APP: variants seen among roughly 807,000 people sequenced by gnomAD.
The protein encoded by APP is amyloid beta precursor protein, also known as amyloid-beta precursor protein.
In APP, 31 loss-of-function variants were observed where a neutral mutation model predicts 101.4. The ratio of observed to expected loss-of-function variants is 0.31; its 90% CI spans 0.23 to 0.41. APP has a LOEUF of 0.41. Ranked by LOEUF, APP falls within the 10% of genes least tolerant of loss-of-function variation. The probability of loss-of-function intolerance (pLI) is 1.00; values close to 1 mark genes in which losing one functional copy is unlikely to be tolerated. For synonymous variants in APP, 366 were observed against 364.4 expected, an observed-to-expected ratio of 1.00 and a Z score of -0.05; for missense variants, 839 against 1,003.7, an observed-to-expected ratio of 0.84 and a Z score of 2.22.
At chr21:26,154,632 T>A (rs568275430) in intron 1 of APP, among the ~76,000 whole-genome samples, 173 of 152,264 alleles carry the variant, frequency 1.1e-3, no homozygotes, top group African/African-American at 4.1e-3. Flanking sequence ...AGTACCTTAG[T>A]AACTAAAGGG....
chr21:25,897,550 AAG>A, intron 16 of APP, 21 bp downstream of exon 16: 1 of 1,556,040 alleles, frequency 6.4e-7, no homozygotes, highest in Middle Eastern at 1.7e-4. Context: ...CAGTAGTGGA[AAG>A]AGGTAAATTA....
intron 1 of APP, chr21:26,140,539 A>C (rs1333495638): frequency 3.2e-6 from 1 of 310,684 alleles, no homozygotes; most frequent in African/African-American, 2.1e-5. Context: ...GTGGAGAAGG[A>C]ACTGCTGGCC....
chr21:26,143,474 G>C (rs73343434), intron 1 of APP, among the ~76,000 whole-genome samples: 2,837 of 152,236 alleles, frequency 0.019, 103 homozygotes, highest in African/African-American at 0.065. Flanking sequence ...TATACAACGT[G>C]ATGTTTTGAT....
intron 3 of APP, among the ~76,000 whole-genome samples, chr21:26,056,713 T>C (rs1054843780): frequency 5.9e-5 from 9 of 152,218 alleles, no homozygotes; most frequent in Non-Finnish European, 1.2e-4. Flanking sequence ...CTAAGAAATA[T>C]GTGTCCCTCA....
intron 1 of APP, among the ~76,000 whole-genome samples, chr21:26,117,574 G>A (rs1010891544): frequency 3.9e-5 from 6 of 152,234 alleles, no homozygotes; most frequent in Non-Finnish European, 5.9e-5. Flanking sequence ...TATAGGGACA[G>A]AGAAGGGAAT....
At chr21:25,917,039 G>A (rs925765334) in intron 13 of APP, among the ~76,000 whole-genome samples, 16 of 152,148 alleles carry the variant, frequency 1.1e-4, no homozygotes, top group Non-Finnish European at 2.4e-4. Context: ...GAGGTGGGTG[G>A]ATCACGAGGT....
chr21:26,007,357 AAATAT>A (rs2043576360), intron 6 of APP, among the ~76,000 whole-genome samples: 1 of 147,764 alleles, frequency 6.8e-6, no homozygotes, highest in Non-Finnish European at 1.5e-5. Flanking sequence ...TATAATTTAT[AAATAT>A]AATTATAATA....
chr21:25,988,816 C>T (rs1378105818), intron 8 of APP, among the ~76,000 whole-genome samples: 3 of 141,250 alleles, frequency 2.1e-5, no homozygotes, highest in Non-Finnish European at 4.5e-5. Flanking sequence ...GTCAGATTCC[C>T]TTCTTTCTCT....
At chr21:26,138,556 G>GGT (rs2062970343) in intron 1 of APP, among the ~76,000 whole-genome samples, 1 of 151,814 alleles carries the variant, frequency 6.6e-6, no homozygotes, top group Non-Finnish European at 1.5e-5. Flanking sequence ...AGCCAGGCAT[G>GGT]GTGTTCCTCT....
At chr21:25,945,995 T>A (rs1452954514) in intron 13 of APP, 1 of 442,442 alleles carries the variant, frequency 2.3e-6, no homozygotes, top group Non-Finnish European at 4.5e-6. Flanking sequence ...ATAGTCTTTT[T>A]CAACAAATGG....
chr21:26,050,268 G>C (rs552831333), intron 5 of APP, among the ~76,000 whole-genome samples: 71 of 152,236 alleles, frequency 4.7e-4, no homozygotes, highest in Admixed American at 9.2e-4. Flanking sequence ...AATAAGATAA[G>C]TGATACAATC....
chr21:25,896,588 A>T (rs2038066525), intron 16 of APP, among the ~76,000 whole-genome samples: 1 of 152,184 alleles, frequency 6.6e-6, no homozygotes, highest in African/African-American at 2.4e-5. Context: ...TGGAACCCTA[A>T]CATAATCCAC....
At chr21:26,142,084 A>C (rs913564387) in intron 1 of APP, among the ~76,000 whole-genome samples, 1 of 152,178 alleles carries the variant, frequency 6.6e-6, no homozygotes, top group African/African-American at 2.4e-5. Context: ...CAGATGTTAG[A>C]TCTCAGGGGT....
At chr21:25,914,743 C>T (rs1390665416) in intron 13 of APP, among the ~76,000 whole-genome samples, 2 of 152,078 alleles carry the variant, frequency 1.3e-5, no homozygotes, top group South Asian at 2.1e-4. Context: ...TTAGTAGAGA[C>T]GGGGTTTCAC....
intron 5 of APP, among the ~76,000 whole-genome samples, chr21:26,037,682 T>C (rs919031186): frequency 3.3e-5 from 5 of 152,156 alleles, no homozygotes; most frequent in Non-Finnish European, 7.4e-5. Context: ...GTAAATGCAA[T>C]ATTGCTATCC....
intron 3 of APP, among the ~76,000 whole-genome samples, chr21:26,083,637 C>T (rs2061641864): frequency 6.6e-6 from 1 of 152,170 alleles, no homozygotes; most frequent in African/African-American, 2.4e-5. Context: ...AATCAGATGT[C>T]CATTAGCCTT....
intron 6 of APP, among the ~76,000 whole-genome samples, chr21:26,010,815 C>T (rs1485152266): frequency 1.8e-4 from 10 of 56,564 alleles, no homozygotes; most frequent in Non-Finnish European, 9.9e-5. Context: ...AGTGAGACTT[C>T]GTCTCAAAAA....
At chr21:25,946,056 C>T (rs374524671) in intron 13 of APP, 33 of 336,882 alleles carry the variant, frequency 9.8e-5, no homozygotes, top group African/African-American at 5.6e-4. Context: ...AAACCTCTAC[C>T]TCACACCATA....
chr21:26,094,571 T>C (rs929895564), intron 2 of APP, among the ~76,000 whole-genome samples: 4 of 149,098 alleles, frequency 2.7e-5, no homozygotes, highest in Non-Finnish European at 5.9e-5. Flanking sequence ...ATATTTATAT[T>C]TATATAAAAT....
Sources: allele counts gnomAD v4.1 joint callset (sites outside exome capture counted in the v4.1 genomes callset), GRCh38; gene constraint gnomAD v4.1.1; transcripts MANE v1.5; gene names NCBI Gene and HGNC (gene_info 2026-07-23, HGNC 2026-07-21).